CSNK2A1: variants seen among roughly 807,000 people sequenced by gnomAD.
CSNK2A1 encodes casein kinase 2 alpha 1, also known as casein kinase II subunit alpha.
Under a neutral mutation model 62.9 loss-of-function variants are expected in CSNK2A1, and 10 were observed. The ratio of observed to expected loss-of-function variants is 0.16; its 90% CI spans 0.10 to 0.27. The LOEUF (loss-of-function observed/expected upper bound fraction) is 0.27. Ranked by LOEUF, CSNK2A1 falls within the 10% of genes least tolerant of loss-of-function variation. The pLI, the probability that CSNK2A1 is intolerant of heterozygous loss-of-function variation, is 1.00. For synonymous variants in CSNK2A1, 124 were observed against 167.8 expected (o/e 0.74, Z 2.02); for missense variants, 160 against 492.0 (o/e 0.33, Z 6.38).
At chr20:513,024 G>A (rs1050677706) in intron 2 of CSNK2A1, among the ~76,000 whole-genome samples, 6 of 152,208 alleles carry the variant, frequency 3.9e-5, no homozygotes, top group African/African-American at 2.4e-5. Flanking sequence ...TAGGAAAACC[G>A]TAGAGAAAGG....
Position 485,699 on chromosome 20 carries a change from T to C in CSNK2A1, c.1060+677A>G, listed in dbSNP as rs188299806. 7.7e-4 allele frequency among the ~76,000 whole-genome samples: 118 copies of C among 152,312 alleles called. No individual in the cohort carries two copies. In the East Asian group the frequency reaches 0.011, roughly 14 times the overall value. Reference sequence around the variant, plus strand: ...TACATTACTCTGTACAGAGGTAGGATACTCAAGGGGTAAATTCTAGAAGGC... The same window carrying C: ...TACATTACTCTGTACAGAGGTAGGACACTCAAGGGGTAAATTCTAGAAGGC... On this transcript the variant is annotated intron_variant, in intron 13 of 13. Transcript: ENST00000217244.
chr20:489,508 A>G (rs561585387), intron 10 of CSNK2A1: 5 of 410,326 alleles, frequency 1.2e-5, no homozygotes, highest in Admixed American at 4.1e-5. Context: ...TATTGGAGAT[A>G]AGGGTTTATT....
intron 1 of CSNK2A1, chr20:543,378 T>A: frequency 1.8e-5 from 1 of 56,756 alleles, no homozygotes; most frequent in Non-Finnish European, 3.4e-5. Context: ...AGTTGTCCCC[T>A]AGTCCCCACC....
intron 2 of CSNK2A1, among the ~76,000 whole-genome samples, chr20:525,246 T>C (rs1337713492): frequency 6.6e-6 from 1 of 151,704 alleles, no homozygotes; most frequent in African/African-American, 2.4e-5. Context: ...GTGTGGTTGC[T>C]CATGCCTGTA....
Position 473,958 on chromosome 20 carries a change from C to G in CSNK2A1, c.*10003G>C, listed in dbSNP as rs1034999884. 1.3e-5 allele frequency: 2 copies of G among 152,186 alleles called. No individual in the cohort carries two copies. The highest frequency in any genetic ancestry group is 2.9e-5 in the Non-Finnish European group (2 of 68,076). The allele number at this position is 152,186 out of a possible 1,614,324, so 9.4% of individuals were successfully genotyped here. On this transcript the variant is annotated 3_prime_UTR_variant, in exon 14 of 14. Coordinates refer to ENST00000217244, the MANE Select transcript of CSNK2A1 (RefSeq NM_177559.3). ...GTCCCTCAAACTGGGGCTCTGTCAA[C>G]AAAGAGGAAGGGAGGAATGACTCCC...
rs1315070567 is a variant in CSNK2A1, at chr20:508,430, GA to G, written c.101+20del. 6.2e-7 allele frequency: 1 copy of G among 1,612,754 alleles called. No individual in the cohort carries two copies. The highest frequency in any genetic ancestry group is 2.2e-5 in the East Asian group (1 of 44,840). On this transcript the variant is annotated intron_variant, in intron 3 of 13. Transcript: ENST00000217244. Reference sequence around the variant, plus strand: ...ATTCAGCCCTTTGAGTGAGTATAATGAAGTCAACAAAAACAATTACCCCCAT... The same window carrying G: ...ATTCAGCCCTTTGAGTGAGTATAATGAGTCAACAAAAACAATTACCCCCAT...
chr20:480,617 G>C lies in CSNK2A1; in HGVS notation c.*3344C>G, dbSNP rs578213580. ...TAAACCAATTTTAGACTCATTTTTTGAGGAAGGAACTGAGCATGACCTTAC... is the reference window on the plus strand; with the variant it reads ...TAAACCAATTTTAGACTCATTTTTTCAGGAAGGAACTGAGCATGACCTTAC... On this transcript the variant is annotated 3_prime_UTR_variant, in exon 14 of 14. Coordinates refer to ENST00000217244, the MANE Select transcript of CSNK2A1 (RefSeq NM_177559.3). The C allele has an allele frequency of 6.6e-6, 1 of 152,246 alleles. No homozygotes were observed. Among genetic ancestry groups the C allele is most frequent in the South Asian group, 2.1e-4 (1 of 4,830 alleles). 9.4% of individuals were successfully genotyped at this position (152,246 alleles called of 1,614,324 possible).
intron 2 of CSNK2A1, among the ~76,000 whole-genome samples, chr20:523,074 T>C (rs1376003459): frequency 1.3e-5 from 2 of 152,232 alleles, no homozygotes; most frequent in African/African-American, 2.4e-5. Context: ...CTGTAACTTC[T>C]GTAAACCTAA....
intron 1 of CSNK2A1, among the ~76,000 whole-genome samples, chr20:528,334 T>C (rs745574872): frequency 1.1e-4 from 16 of 152,196 alleles, no homozygotes; most frequent in Non-Finnish European, 2.1e-4. Flanking sequence ...GTCCTAAAAC[T>C]GACAAAAATA....
intron 1 of CSNK2A1, among the ~76,000 whole-genome samples, chr20:536,547 C>T (rs1271993934): frequency 6.6e-6 from 1 of 152,088 alleles, no homozygotes; most frequent in African/African-American, 2.4e-5. Flanking sequence ...ACAAGAACTC[C>T]CAGACTTGAA....
rs1260397390 is a variant in CSNK2A1 at position 492,251 on chromosome 20, T to C, written c.621+3A>G. On this transcript the variant is annotated splice_donor_region_variant and intron_variant, in intron 9 of 13. Transcript: ENST00000217244. ...AAAACTGTGCCTGCCCTTCTGTTCT[T>C]ACCTGATAGTCTACAAGTAGCTCAG... 1 of 1,612,612 alleles carries C rather than the reference T, an allele frequency of 6.2e-7. No homozygotes were observed. Among genetic ancestry groups the C allele is most frequent in the East Asian group, 2.2e-5 (1 of 44,860 alleles).
chr20:499,235 C>T lies in CSNK2A1; in HGVS notation c.366+20G>A. On this transcript the variant is annotated intron_variant, in intron 6 of 13. Coordinates refer to ENST00000217244, the MANE Select transcript of CSNK2A1 (RefSeq NM_177559.3). The surrounding 1 kb of genome is among the most constrained non-coding windows in gnomAD (Gnocchi z 4.2). ...GGTCTAAAAACCCACTAGCCCGAAA[C>T]AGTTGGTTATATATTATACCTTGAA... is the stretch of plus-strand genomic sequence containing the variant. 1.3e-6 allele frequency: 2 copies of T among 1,580,072 alleles called. No individual in the cohort carries two copies. The highest frequency in any genetic ancestry group is 1.2e-5 in the South Asian group (1 of 83,992).
chr20:487,945 T>C (rs2018134752), intron 11 of CSNK2A1: 1 of 289,338 alleles, frequency 3.5e-6, no homozygotes, highest in African/African-American at 2.1e-5. Context: ...CAAAAGCCTT[T>C]GCATCAGGAA....
At chr20:526,483 T>C (rs2019092473) in intron 2 of CSNK2A1, among the ~76,000 whole-genome samples, 1 of 151,160 alleles carries the variant, frequency 6.6e-6, no homozygotes, top group Admixed American at 6.6e-5. Flanking sequence ...ATGGAAAAAA[T>C]TAGCTGAGTC....
At chr20:525,319 C>A (rs2019056401) in intron 2 of CSNK2A1, among the ~76,000 whole-genome samples, 1 of 151,646 alleles carries the variant, frequency 6.6e-6, no homozygotes, top group African/African-American at 2.4e-5. Flanking sequence ...CGAGACCAGC[C>A]TGGGCAACAT....
At chr20:496,695 C>G (rs917896359) in intron 7 of CSNK2A1, 2 of 152,184 alleles carry the variant, frequency 1.3e-5, no homozygotes, top group Non-Finnish European at 2.9e-5. Context: ...TCTAAGGCTC[C>G]AACAGCAGGC....
intron 1 of CSNK2A1, among the ~76,000 whole-genome samples, chr20:530,672 G>T (rs1391769221): frequency 6.6e-6 from 1 of 151,876 alleles, no homozygotes; most frequent in South Asian, 2.1e-4. Flanking sequence ...ACAGGGTTTC[G>T]CCATGTTGCC....
rs75471097 is a variant in CSNK2A1, at chr20:520,084, G to T, written c.-110+7849C>A. 2.8e-3 allele frequency among the ~76,000 whole-genome samples: 418 copies of T among 151,926 alleles called. 1 individual carries two copies. Among genetic ancestry groups the T allele is most frequent in the African/African-American group, 9.1e-3 (379 of 41,448 alleles). On this transcript the variant is annotated intron_variant, in intron 2 of 13. Transcript: ENST00000217244. ...AGAGGGAAAAGTAAAATCATAAAAAGAATCCAAAAGAATGTTAAGAAGGGA... is the reference window on the plus strand; with the variant it reads ...AGAGGGAAAAGTAAAATCATAAAAATAATCCAAAAGAATGTTAAGAAGGGA...
chr20:499,684 A>C lies in CSNK2A1; in HGVS notation c.315+149T>G, dbSNP rs1600382814. ...GGAGGTCTCTTTGAAAGAAAGACCC[A>C]AGCTAGTTAAATGGTATATCTGATT... On this transcript the variant is annotated intron_variant, in intron 5 of 13. Coordinates refer to ENST00000217244, the MANE Select transcript of CSNK2A1 (RefSeq NM_177559.3). This position sits in a 1 kb window ranked among gnomAD's most constrained non-coding sequence, Gnocchi z 4.2. The C allele has an allele frequency of 4.7e-5, 34 of 718,778 alleles. No homozygotes were observed. The East Asian group carries it at 8.2e-4, about 17-fold the overall frequency. 44.5% of individuals were successfully genotyped at this position (718,778 alleles called of 1,614,324 possible).
Sources: gnomAD v4.1 joint callset for allele counts (sites outside exome capture counted in the v4.1 genomes callset) on GRCh38, gnomAD v4.1.1 for gene constraint, Gnocchi (gnomAD v3.1) non-coding constraint, MANE v1.5 for transcripts, NCBI Gene and HGNC (gene_info 2026-07-23, HGNC 2026-07-21) for gene names.